SETD2: variants seen among roughly 807,000 people sequenced by gnomAD.
The protein encoded by SETD2 is SET domain containing 2, histone lysine methyltransferase, also known as histone-lysine N-methyltransferase SETD2.
SETD2 carries 31 observed loss-of-function variants against 242.1 expected under a neutral mutation model. That is an observed-to-expected ratio of 0.13 (90% CI 0.10 to 0.17). The LOEUF (loss-of-function observed/expected upper bound fraction) is 0.17. SETD2 is among the 10% of genes least tolerant of loss of function. The pLI is 1.00. For synonymous variants in SETD2, 1,006 were observed against 1,066.5 expected, an observed-to-expected ratio of 0.94 and a Z score of 1.11; for missense variants, 2,481 against 3,046.3, an observed-to-expected ratio of 0.81 and a Z score of 4.37.
intron 15 of SETD2, among the ~76,000 whole-genome samples, chr3:47,050,917 G>C (rs930035920): frequency 1.5e-4 from 23 of 151,322 alleles, no homozygotes; most frequent in African/African-American, 5.3e-4. Context: ...ATTTTTAGTA[G>C]AAACAAGGTT....
Position 47,149,834 on chromosome 3 carries a change from A to G in SETD2, c.71+14020T>C, listed in dbSNP as rs974168796. On this transcript the variant is annotated intron_variant, in intron 1 of 20. Transcript: ENST00000409792. ...TAAACATTAGGTTAAAAGGCTCGAT[A>G]TAATGAAAAGAGTTTAAATATAACG... 1.5e-4 allele frequency among the ~76,000 whole-genome samples: 23 copies of G among 152,318 alleles called. No homozygotes were observed. The South Asian group carries it at 2.3e-3, about 15-fold the overall frequency.
At chr3:47,049,740 A>T (rs1183651253) in intron 15 of SETD2, among the ~76,000 whole-genome samples, 3 of 144,792 alleles carry the variant, frequency 2.1e-5, no homozygotes, top group Non-Finnish European at 4.5e-5. Flanking sequence ...AGTTTATATT[A>T]TATATTATAT....
At position 47,078,332 on chromosome 3, in the gene SETD2, T is replaced by C. The variant is rs1368795072; in HGVS notation, c.6060+5388A>G. 2.6e-5 allele frequency among the ~76,000 whole-genome samples: 4 copies of C among 152,124 alleles called. No homozygotes were observed. The South Asian group carries it at 8.3e-4, about 31-fold the overall frequency. On this transcript the variant is annotated intron_variant, in intron 12 of 20. Transcript: ENST00000409792. Reference sequence around the variant, plus strand: ...TAATATTCCTGACCAAAAAAATGTATACCTGAATCCAAGCAAAGGAAAGTT... The same window carrying C: ...TAATATTCCTGACCAAAAAAATGTACACCTGAATCCAAGCAAAGGAAAGTT...
intron 17 of SETD2, chr3:47,041,301 G>T: frequency 2.6e-6 from 1 of 390,458 alleles, no homozygotes; most frequent in South Asian, 1.9e-5. Context: ...CAAAACAAGT[G>T]GCCTGTGGGC....
At chr3:47,119,889 A>G (rs886105575) in intron 3 of SETD2, 19 of 475,448 alleles carry the variant, frequency 4.0e-5, no homozygotes, top group Non-Finnish European at 8.0e-6. Flanking sequence ...TTCACATGTA[A>G]AAGGAATTAC....
At chr3:47,148,807 A>ATCCC (rs2043920370) in intron 1 of SETD2, among the ~76,000 whole-genome samples, 1 of 152,164 alleles carries the variant, frequency 6.6e-6, no homozygotes, top group African/African-American at 2.4e-5. Flanking sequence ...CACGCCTGTA[A>ATCCC]TCCCAGCACT....
chr3:47,148,790 G>A (rs998287629), intron 1 of SETD2, among the ~76,000 whole-genome samples: 3 of 152,130 alleles, frequency 2.0e-5, no homozygotes, highest in Non-Finnish European at 2.9e-5. Flanking sequence ...GGCCAGGCAC[G>A]GTGGCTCACG....
chr3:47,097,722 G>GA (rs2042062880), intron 9 of SETD2, among the ~76,000 whole-genome samples: 2 of 152,164 alleles, frequency 1.3e-5, no homozygotes, highest in Admixed American at 1.3e-4. Context: ...TAAAGAATCT[G>GA]AAAAACTATT....
chr3:47,099,185 CTG>C (rs2107677450), intron 8 of SETD2, among the ~76,000 whole-genome samples: 1 of 151,820 alleles, frequency 6.6e-6, no homozygotes, highest in East Asian at 1.9e-4. Context: ...AGTCTGGTAA[CTG>C]TCACCAGACT....
intron 1 of SETD2, among the ~76,000 whole-genome samples, chr3:47,152,935 C>G (rs1421633688): frequency 6.6e-6 from 1 of 152,206 alleles, no homozygotes; most frequent in African/African-American, 2.4e-5. Context: ...TAAAAAGCAA[C>G]TATGGGAATT....
In SETD2 at chr3:47,057,102, G is replaced by A. The variant is rs2107575872; in HGVS notation, c.6682C>T (p.His2228Tyr). 2 of 1,614,256 alleles carry A rather than the reference G, an allele frequency of 1.2e-6. No individual in the cohort carries two copies. Among genetic ancestry groups the A allele is most frequent in the South Asian group, 2.2e-5 (2 of 91,090 alleles). ...GAAACTTCCACAGGAGCTGCCACAT[G>A]TGGCACCACTGGTACTGGTGGAGGG... ...SAPPPVPVVP[H>Y]VAAPVEVSSS... Residue 2228 changes from histidine to tyrosine, a missense_variant, in exon 15 of 21, where the codon CAT becomes TAT. His to Tyr is a moderately conservative substitution (Grantham distance 83). Transcript: ENST00000409792.
At chr3:47,070,753 A>G (rs1404490035) in intron 12 of SETD2, among the ~76,000 whole-genome samples, 1 of 152,250 alleles carries the variant, frequency 6.6e-6, no homozygotes, top group African/African-American at 2.4e-5. Flanking sequence ...ATACTATAAC[A>G]GAAGATTTCA....
intron 1 of SETD2, among the ~76,000 whole-genome samples, chr3:47,141,799 G>A (rs1270363197): frequency 6.6e-6 from 1 of 152,022 alleles, no homozygotes; most frequent in African/African-American, 2.4e-5. Context: ...TACTCTTACG[G>A]AACAAAAGCT....
At position 47,121,466 on chromosome 3, in the gene SETD2, T is replaced by C. The variant is rs189671317; in HGVS notation, c.3170A>G (p.Asp1057Gly). The part of the protein sequence containing the change: ...DESDSEDTDS[D>G]DSSIPRNRLQ... ...ACGGTTTCTTGGAATACTGCTATCA[T>C]CCGAATCTGTATCTTCTGAATCACT... The change falls in exon 3 of 21, where the codon GAT (aspartate) becomes GGT (glycine). Residue 1057 changes from aspartate to glycine, a missense_variant. By Grantham distance (94) the Asp-to-Gly change is moderately conservative. Around this residue, in one of 17 missense-constraint regions of SETD2, gnomAD observed 1,300 missense variants for 1,259.2 expected, o/e 1.03. Coordinates refer to ENST00000409792, the MANE Select transcript of SETD2 (RefSeq NM_014159.7). 2 of 1,613,578 alleles carry C rather than the reference T, an allele frequency of 1.2e-6. No homozygotes were observed. The highest frequency in any genetic ancestry group is 3.3e-4 in the Middle Eastern group (2 of 6,062).
At chr3:47,083,604 A>G (rs1395986874) in intron 12 of SETD2, 116 bp downstream of exon 12, 1 of 928,098 alleles carries the variant, frequency 1.1e-6, no homozygotes, top group South Asian at 1.6e-5. Context: ...TAAGAGAGAC[A>G]GTATTCCATT....
At chr3:47,086,344 G>A (rs752766575) in intron 10 of SETD2, 30 bp from the exon 11 acceptor site, 9 of 1,605,152 alleles carry the variant, frequency 5.6e-6, no homozygotes, top group Non-Finnish European at 7.7e-6. Flanking sequence ...ACACGATGCA[G>A]AGCATTGGGA....
At position 47,140,866 on chromosome 3, in the gene SETD2, T is replaced by C. The variant is rs142943156; in HGVS notation, c.72-14203A>G. 4.1e-3 allele frequency among the ~76,000 whole-genome samples: 627 copies of C among 152,024 alleles called. 12 individuals carry two copies. The highest frequency in any genetic ancestry group is 0.031 in the Admixed American group (470 of 15,260). Reference sequence around the variant, plus strand: ...TGACACAGCGAGACTCTGTCTCAAATAAAAAATTAAAATTAAAATTAAAAA... The same window carrying C: ...TGACACAGCGAGACTCTGTCTCAAACAAAAAATTAAAATTAAAATTAAAAA... On this transcript the variant is annotated intron_variant, in intron 1 of 20. Transcript: ENST00000409792.
At chr3:47,095,414 G>A (rs1029753225) in intron 9 of SETD2, among the ~76,000 whole-genome samples, 2 of 152,170 alleles carry the variant, frequency 1.3e-5, no homozygotes, top group Admixed American at 6.5e-5. Flanking sequence ...GATTACAGGC[G>A]TGAGCCACCG....
At chr3:47,161,591 AAAC>A (rs759051372) in intron 1 of SETD2, among the ~76,000 whole-genome samples, 6 of 152,152 alleles carry the variant, frequency 3.9e-5, no homozygotes, top group Non-Finnish European at 8.8e-5. Context: ...AGGAAAAACA[AAAC>A]AACAACAACA....
Sources: gnomAD v4.1 joint callset for allele counts (sites outside exome capture counted in the v4.1 genomes callset) on GRCh38, gnomAD v4.1.1 for gene constraint, gnomAD v4.1.1 regional missense constraint, MANE v1.5 for transcripts, NCBI Gene and HGNC (gene_info 2026-07-23, HGNC 2026-07-21) for gene names.